Variants in LHFPL3 observed in about 807,000 individuals in gnomAD.
The protein encoded by LHFPL3 is LHFPL tetraspan subfamily member 3 protein.
In LHFPL3, 5 loss-of-function variants were observed where a neutral mutation model predicts 19.3. The observed-to-expected ratio is 0.26, with a 90% CI of 0.14 to 0.54. The LOEUF (loss-of-function observed/expected upper bound fraction) is 0.54. Ranked by LOEUF, LHFPL3 falls within the 20% of genes least tolerant of loss-of-function variation. The pLI is 0.94. For missense variants in LHFPL3, 249 were observed against 307.4 expected, an observed-to-expected ratio of 0.81 and a Z score of 1.42; for synonymous variants, 133 against 126.2, an observed-to-expected ratio of 1.05 and a Z score of -0.36.
chr7:104,747,594 C>T (rs1794073031), intron 2 of LHFPL3, among the ~76,000 whole-genome samples: 1 of 152,144 alleles, frequency 6.6e-6, no homozygotes, highest in African/African-American at 2.4e-5. Flanking sequence ...ATAAGTAATA[C>T]AATTTTTATT....
rs77630222 is a variant in LHFPL3, at chr7:104,505,797, C to G, written c.445+176573C>G. ...AAAGCATGTTATTGTAATATAAAAGCTAATCTCTTTCAAGTAGATTAATGA... is the reference window on the plus strand; with the variant it reads ...AAAGCATGTTATTGTAATATAAAAGGTAATCTCTTTCAAGTAGATTAATGA... On this transcript the variant is annotated intron_variant, in intron 1 of 2. Coordinates refer to ENST00000424859, the MANE Select transcript of LHFPL3 (RefSeq NM_199000.3). Among the ~76,000 whole-genome samples the G allele has an allele frequency of 7.7e-3, 1,171 of 152,228 alleles. 12 individuals are homozygous for G. Among genetic ancestry groups the G allele is most frequent in the African/African-American group, 0.027 (1,127 of 41,528 alleles).
chr7:104,733,742 G>A (rs1463984494), intron 1 of LHFPL3, among the ~76,000 whole-genome samples: 2 of 152,170 alleles, frequency 1.3e-5, no homozygotes, highest in Admixed American at 6.5e-5. Flanking sequence ...ATATTGTTAT[G>A]TGTGAATTTG....
intron 1 of LHFPL3, among the ~76,000 whole-genome samples, chr7:104,604,977 C>T (rs1471091330): frequency 2.0e-5 from 3 of 152,172 alleles, no homozygotes; most frequent in South Asian, 2.1e-4. Flanking sequence ...TGGGGGAAAA[C>T]AGTCATTTTC....
intron 1 of LHFPL3, among the ~76,000 whole-genome samples, chr7:104,382,595 G>A (rs1271137725): frequency 6.6e-6 from 1 of 152,166 alleles, no homozygotes; most frequent in African/African-American, 2.4e-5. Flanking sequence ...TGTGGCCTGA[G>A]CAGGGTTTTG....
intron 1 of LHFPL3, among the ~76,000 whole-genome samples, chr7:104,560,945 T>C (rs1789982766): frequency 6.7e-6 from 1 of 149,948 alleles, no homozygotes; most frequent in Non-Finnish European, 1.5e-5. Flanking sequence ...ATGTACCCAG[T>C]AGTCATTCAG....
At chr7:104,858,671 C>A (rs750073432) in intron 2 of LHFPL3, among the ~76,000 whole-genome samples, 1 of 152,164 alleles carries the variant, frequency 6.6e-6, no homozygotes, top group Non-Finnish European at 1.5e-5. Context: ...CACCTCAAAT[C>A]TTTTCTTTAT....
intron 1 of LHFPL3, among the ~76,000 whole-genome samples, chr7:104,351,919 CCAGGGG>C (rs1412067209): frequency 6.6e-6 from 1 of 152,130 alleles, no homozygotes; most frequent in Admixed American, 6.6e-5. Context: ...TACAACTAGG[CCAGGGG>C]CAGTGGCTTA....
chr7:104,804,308 G>A (rs1041395256), intron 2 of LHFPL3, among the ~76,000 whole-genome samples: 1 of 152,154 alleles, frequency 6.6e-6, no homozygotes, highest in Non-Finnish European at 1.5e-5. Context: ...ATGGTGGAGG[G>A]GGCTATTCGT....
At chr7:104,558,461 G>T (rs1245068955) in intron 1 of LHFPL3, among the ~76,000 whole-genome samples, 1 of 152,052 alleles carries the variant, frequency 6.6e-6, no homozygotes, top group Non-Finnish European at 1.5e-5. Flanking sequence ...GTGTTTTTTG[G>T]CTGCACAAAT....
intron 1 of LHFPL3, among the ~76,000 whole-genome samples, chr7:104,617,301 A>G (rs912363364): frequency 2.2e-4 from 33 of 152,322 alleles, no homozygotes; most frequent in Admixed American, 1.6e-3. Flanking sequence ...CTAGCCACCA[A>G]GAAGGAATTT....
At chr7:104,526,899 A>G (rs1335944481) in intron 1 of LHFPL3, among the ~76,000 whole-genome samples, 1 of 152,244 alleles carries the variant, frequency 6.6e-6, no homozygotes, top group African/African-American at 2.4e-5. Context: ...CATACACTCT[A>G]GTGGGGAGAC....
At chr7:104,397,962 A>G (rs1347072711) in intron 1 of LHFPL3, among the ~76,000 whole-genome samples, 2 of 152,182 alleles carry the variant, frequency 1.3e-5, no homozygotes, top group African/African-American at 4.8e-5. Flanking sequence ...GTTTCTCATG[A>G]TAGACAGGGT....
At chr7:104,555,412 G>A (rs1001882702) in intron 1 of LHFPL3, among the ~76,000 whole-genome samples, 4 of 152,150 alleles carry the variant, frequency 2.6e-5, no homozygotes, top group African/African-American at 9.7e-5. Flanking sequence ...CACAATCATG[G>A]CAGAAGGCAA....
At chr7:104,726,866 T>C (rs901876726) in intron 1 of LHFPL3, among the ~76,000 whole-genome samples, 18 of 152,218 alleles carry the variant, frequency 1.2e-4, no homozygotes, top group African/African-American at 3.9e-4. Context: ...GATTGCTGGG[T>C]CAAATGCTAT....
intron 1 of LHFPL3, among the ~76,000 whole-genome samples, chr7:104,406,819 A>C (rs956954229): frequency 6.6e-6 from 1 of 152,250 alleles, no homozygotes; most frequent in African/African-American, 2.4e-5. Context: ...AAAAAGGCAA[A>C]ACAGACACAC....
At chr7:104,670,980 A>G (rs1175619673) in intron 1 of LHFPL3, among the ~76,000 whole-genome samples, 1 of 151,746 alleles carries the variant, frequency 6.6e-6, no homozygotes, top group African/African-American at 2.4e-5. Context: ...CTTTATATGC[A>G]TTTTTGTAGG....
intron 1 of LHFPL3, among the ~76,000 whole-genome samples, chr7:104,366,565 G>A (rs1241415930): frequency 1.3e-5 from 2 of 152,174 alleles, no homozygotes; most frequent in African/African-American, 4.8e-5. Context: ...AGTTTATCTT[G>A]CCAAGCACCC....
intron 1 of LHFPL3, among the ~76,000 whole-genome samples, chr7:104,710,493 G>T (rs1793281159): frequency 6.6e-6 from 1 of 152,102 alleles, no homozygotes; most frequent in African/African-American, 2.4e-5. Context: ...TCAGAGGAAA[G>T]CTCTGTATTT....
intron 1 of LHFPL3, among the ~76,000 whole-genome samples, chr7:104,535,610 A>C (rs1794376326): frequency 6.6e-6 from 1 of 152,250 alleles, no homozygotes; most frequent in Non-Finnish European, 1.5e-5. Context: ...TGAAAGGCAC[A>C]GAACACCTAA....
Sources: gnomAD v4.1 joint callset for allele counts (sites outside exome capture counted in the v4.1 genomes callset) on GRCh38, gnomAD v4.1.1 for gene constraint, MANE v1.5 for transcripts, NCBI Gene and HGNC (gene_info 2026-07-23, HGNC 2026-07-21) for gene names.